The following PKNOX2 variants were observed in gnomAD, a reference collection of about 807,000 sequenced individuals.
PKNOX2 encodes PBX/knotted 1 homeobox 2.
PKNOX2 carries 14 observed loss-of-function variants against 53.1 expected under a neutral mutation model. The ratio of observed to expected loss-of-function variants is 0.26; its 90% CI spans 0.17 to 0.41. PKNOX2 has a LOEUF of 0.41. Ranked by LOEUF, PKNOX2 falls within the 10% of genes least tolerant of loss-of-function variation. PKNOX2 has a pLI of 1.00. For synonymous variants in PKNOX2, 257 were observed against 242.8 expected, an observed-to-expected ratio of 1.06 and a Z score of -0.54; for missense variants, 496 against 602.8, an observed-to-expected ratio of 0.82 and a Z score of 1.85.
chr11:125,171,036 G>C (rs907386333), intron 1 of PKNOX2, among the ~76,000 whole-genome samples: 7 of 152,174 alleles, frequency 4.6e-5, no homozygotes, highest in African/African-American at 1.7e-4. Context: ...GAAGCAGCAG[G>C]TCACAGGGCA....
chr11:125,398,427 G>A (rs919256754), intron 7 of PKNOX2, among the ~76,000 whole-genome samples: 31 of 152,220 alleles, frequency 2.0e-4, no homozygotes, highest in Admixed American at 1.3e-3. Context: ...AAGAGGCTGC[G>A]GCTTGCTGAG....
chr11:125,348,879 G>A (rs1442982740), intron 3 of PKNOX2, among the ~76,000 whole-genome samples: 1 of 152,192 alleles, frequency 6.6e-6, no homozygotes, highest in Admixed American at 6.5e-5. Flanking sequence ...GCCCCTAAGA[G>A]GGGGAGAAAG....
In PKNOX2 at chr11:125,367,905, A is replaced by G; in HGVS notation, c.147A>G (p.Ser49=). Residue 49 remains serine, a synonymous_variant, in exon 5 of 13, where the codon TCA becomes TCG. Transcript: ENST00000298282. ...KAQAVHISAP[S]AAASTPVPSA... ...AGGCTGTCCACATCTCTGCCCCCTC[A>G]GCTGCTGCCAGCACACCTGTGCCCA... The G allele has an allele frequency of 6.2e-7, 1 of 1,613,622 alleles. No homozygotes were observed. The highest frequency in any genetic ancestry group is 2.2e-5 in the East Asian group (1 of 44,844).
Position 125,410,403 on chromosome 11 carries a change from G to T in PKNOX2, c.718+78G>T, listed in dbSNP as rs1442922471. 47 of 1,582,500 alleles carry T rather than the reference G, an allele frequency of 3.0e-5. No homozygotes were observed. In the South Asian group the frequency reaches 4.2e-4, roughly 14 times the overall value. On this transcript the variant is annotated intron_variant, in intron 8 of 12. Transcript: ENST00000298282. The stretch of plus-strand genomic sequence containing the variant: ...GGGTGGCCCCGAGGCGGTTCCAGGG[G>T]TGGGGGTTGTCCTCCACCGAGGGAG...
At chr11:125,255,415 C>T (rs1944336174) in intron 2 of PKNOX2, among the ~76,000 whole-genome samples, 1 of 152,168 alleles carries the variant, frequency 6.6e-6, no homozygotes. Flanking sequence ...AAAGGCAGGA[C>T]AGGGATGACA....
At position 125,166,575 on chromosome 11, in the gene PKNOX2, G is replaced by C. The variant is rs1293699408; in HGVS notation, c.-201+1799G>C. The stretch of plus-strand genomic sequence containing the variant: ...TGGGTCTGCGGGCGCAGCGCGGCGG[G>C]GCGGGAGCGGTGGCCCGCAGGGGCC... On this transcript the variant is annotated intron_variant, in intron 1 of 12. Coordinates refer to ENST00000298282, the MANE Select transcript of PKNOX2 (RefSeq NM_001382323.2). The surrounding 1 kb of genome is among the most constrained non-coding windows in gnomAD (Gnocchi z 4.0). Among the ~76,000 whole-genome samples the C allele has an allele frequency of 6.6e-6, 1 of 152,148 alleles. No homozygotes were observed. The highest frequency in any genetic ancestry group is 1.5e-5 in the Non-Finnish European group (1 of 68,016).
At chr11:125,264,255 C>T (rs985962757) in intron 2 of PKNOX2, among the ~76,000 whole-genome samples, 6 of 152,218 alleles carry the variant, frequency 3.9e-5, no homozygotes, top group East Asian at 1.9e-4. Context: ...AGGCAGAGGG[C>T]GGCTGCTTCC....
At chr11:125,188,904 C>T (rs946272393) in intron 1 of PKNOX2, among the ~76,000 whole-genome samples, 1 of 151,728 alleles carries the variant, frequency 6.6e-6, no homozygotes, top group Admixed American at 6.6e-5. Context: ...AACATAGTCC[C>T]CGTGAAAGGA....
chr11:125,305,250 G>A (rs1043449696), intron 2 of PKNOX2, among the ~76,000 whole-genome samples: 7 of 152,184 alleles, frequency 4.6e-5, no homozygotes, highest in African/African-American at 1.2e-4. Context: ...CACAACCTCC[G>A]GAGTTGTGTC....
At chr11:125,338,571 G>A (rs751359663) in intron 3 of PKNOX2, among the ~76,000 whole-genome samples, 14 of 152,268 alleles carry the variant, frequency 9.2e-5, no homozygotes, top group East Asian at 3.9e-4. Context: ...TGCCTGCTCC[G>A]ATCAACCTAC....
chr11:125,216,065 A>G (rs1940463879), intron 1 of PKNOX2, among the ~76,000 whole-genome samples: 1 of 152,242 alleles, frequency 6.6e-6, no homozygotes, highest in South Asian at 2.1e-4. Flanking sequence ...CAAAAGCTTT[A>G]AAGAATGCAG....
chr11:125,338,640 G>C (rs1443867665), intron 3 of PKNOX2, among the ~76,000 whole-genome samples: 2 of 152,186 alleles, frequency 1.3e-5, no homozygotes, highest in Non-Finnish European at 2.9e-5. Flanking sequence ...CCCTGGACAG[G>C]CTTGACCCTG....
At chr11:125,224,579 T>TC (rs1212431906) in intron 1 of PKNOX2, among the ~76,000 whole-genome samples, 3 of 152,232 alleles carry the variant, frequency 2.0e-5, no homozygotes, top group African/African-American at 7.2e-5. Flanking sequence ...GTTTTCCTAC[T>TC]CCGTTTGTTC....
chr11:125,312,634 C>G (rs528810720), intron 2 of PKNOX2, among the ~76,000 whole-genome samples: 9 of 152,168 alleles, frequency 5.9e-5, no homozygotes, highest in African/African-American at 2.2e-4. Flanking sequence ...TGCCACCCCC[C>G]GAGTGTCACG....
At chr11:125,345,830 C>G (rs1437202353) in intron 3 of PKNOX2, among the ~76,000 whole-genome samples, 1 of 152,204 alleles carries the variant, frequency 6.6e-6, no homozygotes, top group Non-Finnish European at 1.5e-5. Flanking sequence ...GTCCAATTCT[C>G]CATACACATC....
At chr11:125,372,196 A>G (rs769961030) in intron 5 of PKNOX2, among the ~76,000 whole-genome samples, 12 of 152,166 alleles carry the variant, frequency 7.9e-5, no homozygotes, top group Non-Finnish European at 1.5e-4. Context: ...GAGGCGGGGA[A>G]GGGGAGCAGC....
At chr11:125,168,303 G>C (rs559298497) in intron 1 of PKNOX2, among the ~76,000 whole-genome samples, 2 of 152,356 alleles carry the variant, frequency 1.3e-5, no homozygotes, top group Admixed American at 1.3e-4. Flanking sequence ...AGAAACTGCA[G>C]TGGGCTCAGG....
chr11:125,325,267 C>T (rs1249354344), intron 2 of PKNOX2, among the ~76,000 whole-genome samples: 7 of 152,134 alleles, frequency 4.6e-5, no homozygotes, highest in African/African-American at 2.4e-5. Flanking sequence ...AATAGATGCA[C>T]GTTGATCCTG....
chr11:125,179,325 T>A (rs1289784921), intron 1 of PKNOX2, among the ~76,000 whole-genome samples: 1 of 152,102 alleles, frequency 6.6e-6, no homozygotes, highest in Non-Finnish European at 1.5e-5. Context: ...ATGAATGACA[T>A]ACGAGCTTTG....
Sources: allele counts gnomAD v4.1 joint callset (sites outside exome capture counted in the v4.1 genomes callset), GRCh38; gene constraint gnomAD v4.1.1; non-coding constraint Gnocchi (gnomAD v3.1); transcripts MANE v1.5; gene names NCBI Gene and HGNC (gene_info 2026-07-23, HGNC 2026-07-21).